Variants in BCAS3 observed in about 807,000 individuals in gnomAD.
BCAS3 encodes BCAS4/BCAS3 fusion.
In BCAS3, 53 loss-of-function variants were observed where a neutral mutation model predicts 116.1. The ratio of observed to expected loss-of-function variants is 0.46; its 90% CI spans 0.37 to 0.57. The LOEUF is 0.57. BCAS3 is among the 20% of genes least tolerant of loss of function. The pLI is 0.00. For synonymous variants in BCAS3, 391 were observed against 408.2 expected, an observed-to-expected ratio of 0.96 and a Z score of 0.51; for missense variants, 917 against 1,165.4, an observed-to-expected ratio of 0.79 and a Z score of 3.10.
At chr17:60,793,263 A>AT (rs1183721053) in intron 6 of BCAS3, among the ~76,000 whole-genome samples, 2 of 151,584 alleles carry the variant, frequency 1.3e-5, no homozygotes, top group Non-Finnish European at 2.9e-5. Flanking sequence ...TGCCCTGCTA[A>AT]TTTTTTTGTT....
At position 61,324,372 on chromosome 17, in the gene BCAS3, C is replaced by T. The variant is rs1200518199; in HGVS notation, c.2426-43955C>T. On this transcript the variant is annotated intron_variant, in intron 22 of 23. Coordinates refer to ENST00000407086, the MANE Select transcript of BCAS3 (RefSeq NM_017679.5). This position sits in a 1 kb window ranked among gnomAD's most constrained non-coding sequence, Gnocchi z 4.6. The stretch of plus-strand genomic sequence containing the variant: ...TAAGGCAGAGATTCACCCATTTGAC[C>T]CCTGCAAGGCTGATCACTGTCAGGG... Among the ~76,000 whole-genome samples, 1 of 152,180 alleles carries T rather than the reference C, an allele frequency of 6.6e-6. No individual in the cohort carries two copies. The highest frequency in any genetic ancestry group is 1.5e-5 in the Non-Finnish European group (1 of 68,024).
At chr17:61,202,104 C>T (rs1165936280) in intron 22 of BCAS3, among the ~76,000 whole-genome samples, 2 of 115,284 alleles carry the variant, frequency 1.7e-5, no homozygotes, top group African/African-American at 6.5e-5. Flanking sequence ...GTGCCAGACA[C>T]TATTCCAGGT....
At chr17:60,986,947 G>A (rs1186047744) in intron 14 of BCAS3, 2 of 152,124 alleles carry the variant, frequency 1.3e-5, no homozygotes, top group Non-Finnish European at 2.9e-5. Context: ...TTTTCTTGCA[G>A]TAGTTTCATA....
In BCAS3 at chr17:61,271,886, T is replaced by C. The variant is rs181260986; in HGVS notation, c.2426-96441T>C. Among the ~76,000 whole-genome samples, 16 of 152,228 alleles carry C rather than the reference T, an allele frequency of 1.1e-4. No homozygotes were observed. The East Asian group carries it at 2.3e-3, about 22-fold the overall frequency. Reference sequence around the variant, plus strand: ...GTGCAATGGTGCAATCATACCTCACTGCAGCCTCACACTCCTGAGCCCAAG... The same window carrying C: ...GTGCAATGGTGCAATCATACCTCACCGCAGCCTCACACTCCTGAGCCCAAG... On this transcript the variant is annotated intron_variant, in intron 22 of 23. Coordinates refer to ENST00000407086, the MANE Select transcript of BCAS3 (RefSeq NM_017679.5).
intron 9 of BCAS3, among the ~76,000 whole-genome samples, chr17:60,878,013 C>CTTT (rs11345486): frequency 7.5e-6 from 1 of 132,560 alleles, no homozygotes; most frequent in Admixed American, 7.4e-5. Context: ...CTTTTTTTTT[C>CTTT]TTTTTTTTTT....
In BCAS3 at chr17:61,107,344, C is replaced by G. The variant is rs570872870; in HGVS notation, c.2425+22780C>G. Among the ~76,000 whole-genome samples, 3 of 152,222 alleles carry G rather than the reference C, an allele frequency of 2.0e-5. No homozygotes were observed. The East Asian group carries it at 5.8e-4, about 29-fold the overall frequency. On this transcript the variant is annotated intron_variant, in intron 22 of 23. Transcript: ENST00000407086. Reference sequence around the variant, plus strand: ...TCATGATCCACCTGCCTCGGCCTCCCAAAGTGCTGGGATTACAGGCGTGAG... The same window carrying G: ...TCATGATCCACCTGCCTCGGCCTCCGAAAGTGCTGGGATTACAGGCGTGAG...
chr17:60,816,507 T>A (rs1428263493), intron 7 of BCAS3, among the ~76,000 whole-genome samples: 1 of 152,052 alleles, frequency 6.6e-6, no homozygotes, highest in Admixed American at 6.6e-5. Context: ...TCTCCTGACC[T>A]CGTGATCCGC....
rs569635028 is a variant in BCAS3, at chr17:60,738,431, C to A, written c.322-8767C>A. Among the ~76,000 whole-genome samples the A allele has an allele frequency of 4.6e-5, 7 of 152,292 alleles. No homozygotes were observed. The East Asian group carries it at 1.4e-3, about 29-fold the overall frequency. On this transcript the variant is annotated intron_variant, in intron 5 of 23. Transcript: ENST00000407086. ...CGATTAAGTCTTCTTGGGGTATTGA[C>A]CCCTTTATCATTATGTAATATCCCC...
At chr17:60,973,126 C>T (rs2062068160) in intron 14 of BCAS3, among the ~76,000 whole-genome samples, 1 of 151,994 alleles carries the variant, frequency 6.6e-6, no homozygotes, top group African/African-American at 2.4e-5. Flanking sequence ...AAAATGTTTG[C>T]TGCTGGTCTT....
At position 60,753,535 on chromosome 17, in the gene BCAS3, G is replaced by A. The variant is rs184049970; in HGVS notation, c.403+6256G>A. 6.9e-3 allele frequency among the ~76,000 whole-genome samples: 1,053 copies of A among 151,574 alleles called. 12 individuals are homozygous for A. The highest frequency in any genetic ancestry group is 0.024 in the African/African-American group (976 of 41,354). On this transcript the variant is annotated intron_variant, in intron 6 of 23. Transcript: ENST00000407086. ...CGCCATTCTCCTGCCTCAACCTCCC[G>A]AGTAGCTGGGACTACAGGCGCCTGC...
intron 10 of BCAS3, chr17:60,891,585 A>C (rs2057151671): frequency 4.7e-6 from 2 of 423,090 alleles, no homozygotes; most frequent in Non-Finnish European, 9.5e-6. Flanking sequence ...AAATTGAATT[A>C]AATTTTGGGG....
At chr17:60,867,562 A>C (rs900967271) in intron 7 of BCAS3, among the ~76,000 whole-genome samples, 1 of 152,214 alleles carries the variant, frequency 6.6e-6, no homozygotes, top group Non-Finnish European at 1.5e-5. Flanking sequence ...ATTTATAAAA[A>C]TATACCTGAT....
At chr17:60,831,582 AC>A (rs2050936113) in intron 7 of BCAS3, among the ~76,000 whole-genome samples, 1 of 152,180 alleles carries the variant, frequency 6.6e-6, no homozygotes, top group African/African-American at 2.4e-5. Flanking sequence ...CATCTTGTTT[AC>A]CAAACACAGT....
chr17:60,854,388 A>T (rs2053470203), intron 7 of BCAS3, among the ~76,000 whole-genome samples: 1 of 152,166 alleles, frequency 6.6e-6, no homozygotes, highest in African/African-American at 2.4e-5. Flanking sequence ...TAGCAGTATG[A>T]TTTATAATCC....
chr17:60,923,373 A>G (rs1157811192), intron 12 of BCAS3, among the ~76,000 whole-genome samples: 2 of 152,210 alleles, frequency 1.3e-5, no homozygotes, highest in Non-Finnish European at 2.9e-5. Context: ...ATACTATCTC[A>G]GTGCTTAAGT....
chr17:60,981,871 T>G (rs2062835966), intron 14 of BCAS3, among the ~76,000 whole-genome samples: 1 of 152,194 alleles, frequency 6.6e-6, no homozygotes, highest in Non-Finnish European at 1.5e-5. Context: ...CTGTGATATA[T>G]TGCCTCTAGG....
At chr17:61,238,336 C>T (rs1327371872) in intron 22 of BCAS3, among the ~76,000 whole-genome samples, 2 of 152,010 alleles carry the variant, frequency 1.3e-5, no homozygotes, top group Non-Finnish European at 2.9e-5. Flanking sequence ...GATTTTCCTG[C>T]CTCAACCTCC....
rs1207488066 is a variant in BCAS3, at chr17:61,258,211, A to T, written c.2426-110116A>T. On this transcript the variant is annotated intron_variant, in intron 22 of 23. Transcript: ENST00000407086. The surrounding 1 kb of genome is among the most constrained non-coding windows in gnomAD (Gnocchi z 4.7). Reference sequence around the variant, plus strand: ...CTTTTCTCTGAATATCTTTGTCTTTAATAGTCATTGCCCTCTTATGGGACT... The same window carrying T: ...CTTTTCTCTGAATATCTTTGTCTTTTATAGTCATTGCCCTCTTATGGGACT... Among the ~76,000 whole-genome samples the T allele has an allele frequency of 6.6e-6, 1 of 152,186 alleles. No individual in the cohort carries two copies. The highest frequency in any genetic ancestry group is 2.4e-5 in the African/African-American group (1 of 41,446).
Position 61,026,343 on chromosome 17 carries a change from C to T in BCAS3, c.1638-8323C>T, listed in dbSNP as rs2066242570. ...ACTTAGTGTTTTTTCCTTTGACCAA[C>T]AATATACAATTCAACTTACGACAAA... On this transcript the variant is annotated intron_variant, in intron 16 of 23. Coordinates refer to ENST00000407086, the MANE Select transcript of BCAS3 (RefSeq NM_017679.5). This position sits in a 1 kb window ranked among gnomAD's most constrained non-coding sequence, Gnocchi z 5.0. 6.6e-6 allele frequency among the ~76,000 whole-genome samples: 1 copy of T among 151,988 alleles called. No homozygotes were observed. The highest frequency in any genetic ancestry group is 2.1e-4 in the South Asian group (1 of 4,834).
Sources: allele counts gnomAD v4.1 joint callset (sites outside exome capture counted in the v4.1 genomes callset), GRCh38; gene constraint gnomAD v4.1.1; non-coding constraint Gnocchi (gnomAD v3.1); transcripts MANE v1.5; gene names NCBI Gene and HGNC (gene_info 2026-07-23, HGNC 2026-07-21).